The following DAAM2 variants were observed in gnomAD, a reference collection of about 807,000 sequenced individuals.
DAAM2 encodes dishevelled associated activator of morphogenesis 2, also known as disheveled-associated activator of morphogenesis 2.
A neutral mutation model predicts 120.7 loss-of-function variants in DAAM2; 39 were observed. The observed-to-expected ratio is 0.32, with a 90% confidence interval of 0.25 to 0.42. The LOEUF (loss-of-function observed/expected upper bound fraction) is 0.42. Ranked by LOEUF, DAAM2 falls within the 10% of genes least tolerant of loss-of-function variation. The pLI is 1.00. For missense variants in DAAM2, 1,283 were observed against 1,401.7 expected (o/e 0.92, Z 1.35); for synonymous variants, 488 against 524.9 (o/e 0.93, Z 0.96).
chr6:39,805,394 G>A (rs1246837204), intron 1 of DAAM2, among the ~76,000 whole-genome samples: 1 of 152,022 alleles, frequency 6.6e-6, no homozygotes, highest in East Asian at 1.9e-4. Flanking sequence ...CTGGAACATA[G>A]TATGTACTCC....
Position 39,878,707 on chromosome 6 carries a change from G to C in DAAM2, c.1545+119G>C. The C allele has an allele frequency of 9.4e-7, 1 of 1,060,848 alleles. No homozygotes were observed. The highest frequency in any genetic ancestry group is 1.4e-6 in the Non-Finnish European group (1 of 739,434). The allele number at this position is 1,060,848 out of a possible 1,614,324, so 65.7% of individuals were successfully genotyped here. ...CAGCATGAGGGAGAAGGGAGATGGA[G>C]ACCTTGGGCCAGGATAGAAGAGACC... On this transcript the variant is annotated intron_variant, in intron 13 of 24. Transcript: ENST00000274867. The surrounding 1 kb of genome is among the most constrained non-coding windows in gnomAD (Gnocchi z 5.0).
intron 1 of DAAM2, among the ~76,000 whole-genome samples, chr6:39,845,547 TAC>T (rs1447127175): frequency 6.7e-6 from 1 of 150,148 alleles, no homozygotes; most frequent in African/African-American, 2.5e-5. Context: ...TACATAAACA[TAC>T]ACCATACCAC....
chr6:39,879,105 G>C, intron 13 of DAAM2, 73 bp from the exon 14 acceptor site: 1 of 942,692 alleles, frequency 1.1e-6, no homozygotes, highest in Non-Finnish European at 1.6e-6. Flanking sequence ...AGAAGGAGAG[G>C]AATCATGGTG....
chr6:39,879,726 T>A (rs1765040775), intron 14 of DAAM2: 1 of 593,684 alleles, frequency 1.7e-6, no homozygotes, highest in African/African-American at 1.8e-5. Context: ...AAATGGAATT[T>A]GTGTTTGCCC....
In DAAM2 at chr6:39,903,339, G is replaced by A. The variant is rs1766595489; in HGVS notation, c.*1302G>A. On this transcript the variant is annotated 3_prime_UTR_variant, in exon 25 of 25. Transcript: ENST00000274867. The stretch of plus-strand genomic sequence containing the variant: ...TGAAGGTGCCAAGGAGGAAGGCTGA[G>A]AGGGGGGCCACCCCATTTCTGGTAC... 1 of 152,280 alleles carries A rather than the reference G, an allele frequency of 6.6e-6. No individual in the cohort carries two copies. Among genetic ancestry groups the A allele is most frequent in the Non-Finnish European group, 1.5e-5 (1 of 68,072 alleles). The allele number at this position is 152,280 out of a possible 1,614,324, so 9.4% of individuals were successfully genotyped here.
intron 1 of DAAM2, chr6:39,822,330 C>T (rs1762517669): frequency 1.3e-5 from 2 of 152,164 alleles, no homozygotes; most frequent in African/African-American, 4.8e-5. Context: ...AAGCCTCAGC[C>T]CCTGGCACTC....
At chr6:39,899,978 G>C (rs1032807621) in intron 22 of DAAM2, 99 bp from the exon 23 acceptor site, 2 of 1,355,886 alleles carry the variant, frequency 1.5e-6, no homozygotes, top group Non-Finnish European at 1.0e-6. Context: ...CTTCCAAAGG[G>C]CTCAATGTCC....
At chr6:39,883,682 C>T in intron 14 of DAAM2, 1 of 362,476 alleles carries the variant, frequency 2.8e-6, no homozygotes, top group East Asian at 4.6e-5. Flanking sequence ...TTTCCTACTG[C>T]CTACCCATCC....
intron 1 of DAAM2, among the ~76,000 whole-genome samples, chr6:39,810,258 A>T (rs1483885698): frequency 1.3e-5 from 2 of 152,232 alleles, no homozygotes; most frequent in Admixed American, 1.3e-4. Flanking sequence ...GGAAGAAAGA[A>T]GAAGAGATCA....
In DAAM2 at chr6:39,900,214, G is replaced by C; in HGVS notation, c.2811+6G>C. On this transcript the variant is annotated splice_donor_region_variant and intron_variant, in intron 23 of 24. Transcript: ENST00000274867. ...TAAATGAGGCCAGGGACAAGGTAAG[G>C]GTGCCCCAACCCCCACTGCTTGCCA... The C allele has an allele frequency of 6.2e-7, 1 of 1,609,192 alleles. No homozygotes were observed. The highest frequency in any genetic ancestry group is 8.5e-7 in the Non-Finnish European group (1 of 1,178,050).
intron 10 of DAAM2, among the ~76,000 whole-genome samples, chr6:39,874,763 A>G (rs1044563760): frequency 1.4e-4 from 21 of 152,234 alleles, no homozygotes; most frequent in Admixed American, 1.2e-3. Flanking sequence ...ATCACACACA[A>G]CACACTATGC....
chr6:39,814,188 CTT>C (rs5875686), intron 1 of DAAM2, among the ~76,000 whole-genome samples: 43 of 139,848 alleles, frequency 3.1e-4, no homozygotes, highest in Admixed American at 6.9e-4. Context: ...TTCTTTCTTT[CTT>C]TTTTTTTTTT....
chr6:39,862,408 C>T (rs1007009621), intron 3 of DAAM2: 6 of 152,054 alleles, frequency 3.9e-5, no homozygotes, highest in African/African-American at 1.2e-4. Flanking sequence ...AAATTTCAGG[C>T]GTAATTAATC....
At chr6:39,824,276 C>T (rs1482549913) in intron 1 of DAAM2, among the ~76,000 whole-genome samples, 1 of 152,198 alleles carries the variant, frequency 6.6e-6, no homozygotes, top group African/African-American at 2.4e-5. Context: ...GACCTCTCCC[C>T]ATCCCCCTAG....
chr6:39,841,684 C>A (rs1327220312), intron 1 of DAAM2, among the ~76,000 whole-genome samples: 1 of 152,040 alleles, frequency 6.6e-6, no homozygotes, highest in Non-Finnish European at 1.5e-5. Flanking sequence ...GGAGGGAGAT[C>A]CCTTCAGTGG....
intron 3 of DAAM2, chr6:39,861,524 C>T: frequency 3.9e-6 from 1 of 253,498 alleles, no homozygotes; most frequent in Non-Finnish European, 7.9e-6. Context: ...CTATGGCCCT[C>T]CCTAGAAAGG....
rs199767843 is a variant in DAAM2, at chr6:39,856,354, G to A, written c.52G>A (p.Gly18Arg). 4.7e-3 allele frequency: 7,357 copies of A among 1,553,092 alleles called. 25 individuals carry two copies. The highest frequency in any genetic ancestry group is 6.9e-3 in the Middle Eastern group (41 of 5,942). The change falls in exon 2 of 25, where the codon GGG (glycine) becomes AGG (arginine). Residue 18 changes from glycine (G) to arginine (R), a missense_variant. Physicochemically the swap from Gly to Arg is moderately radical, Grantham distance 125. This residue lies in a region of DAAM2 where 197 missense variants were observed against 189.3 expected (regional missense o/e 1.04). Transcript: ENST00000274867. ...TGGCCTGGGCTTCCTGTGCTGCTTC[G>A]GGGGCAGTGACATCCCCGAAATCAA... ...HHGLGFLCCF[G>R]GSDIPEINLR...
intron 18 of DAAM2, 34 bp downstream of exon 18, chr6:39,891,481 G>A (rs1461791167): frequency 1.3e-6 from 2 of 1,562,978 alleles, no homozygotes; most frequent in Admixed American, 1.8e-5. Flanking sequence ...ATTCAAGCAG[G>A]TGGGGTTCTG....
intron 19 of DAAM2, among the ~76,000 whole-genome samples, chr6:39,894,186 CAG>C: frequency 6.6e-6 from 1 of 152,178 alleles, no homozygotes; most frequent in Non-Finnish European, 1.5e-5. Context: ...TCTAAAATGT[CAG>C]AACTGCATCT....
Sources: gnomAD v4.1 joint callset for allele counts (sites outside exome capture counted in the v4.1 genomes callset) on GRCh38, gnomAD v4.1.1 for gene constraint, gnomAD v4.1.1 regional missense constraint, Gnocchi (gnomAD v3.1) non-coding constraint, MANE v1.5 for transcripts, NCBI Gene and HGNC (gene_info 2026-07-23, HGNC 2026-07-21) for gene names.